The following ERBB4 variants were observed in gnomAD, a reference collection of about 807,000 sequenced individuals.
ERBB4 encodes receptor tyrosine-protein kinase erbB-4.
In ERBB4, 42 loss-of-function variants were observed where a neutral mutation model predicts 158.0. The observed-to-expected ratio is 0.27, with a 90% CI of 0.21 to 0.34. ERBB4 has a LOEUF of 0.34. Ranked by LOEUF, ERBB4 falls within the 10% of genes least tolerant of loss-of-function variation. The pLI is 1.00. For missense variants in ERBB4, 1,333 were observed against 1,624.1 expected, an observed-to-expected ratio of 0.82 and a Z score of 3.08; for synonymous variants, 583 against 558.7, an observed-to-expected ratio of 1.04 and a Z score of -0.61.
chr2:212,124,920 A>G lies in ERBB4; in HGVS notation c.83-17T>C. 1 of 1,613,920 alleles carries G rather than the reference A, an allele frequency of 6.2e-7. No individual in the cohort carries two copies. The highest frequency in any genetic ancestry group is 8.5e-7 in the Non-Finnish European group (1 of 1,179,784). On this transcript the variant is annotated splice_polypyrimidine_tract_variant and intron_variant, in intron 1 of 27. Transcript: ENST00000342788. ...CTGCACACACTGCAAAGACAAGAAG[A>G]TACACGTGAAATTACATAACCTTTA...
chr2:211,775,006 C>T (rs113734178), intron 4 of ERBB4, among the ~76,000 whole-genome samples: 1,845 of 152,170 alleles, frequency 0.012, 41 homozygotes, highest in African/African-American at 0.042. Flanking sequence ...TTGGTGGCTG[C>T]TTTTGGGCCA....
At chr2:211,878,979 T>C (rs1279593929) in intron 3 of ERBB4, among the ~76,000 whole-genome samples, 1 of 152,200 alleles carries the variant, frequency 6.6e-6, no homozygotes, top group Admixed American at 6.5e-5. Context: ...TGCTTTTACA[T>C]GTGTTGATTT....
chr2:212,391,476 T>C (rs13004266), intron 1 of ERBB4, among the ~76,000 whole-genome samples: 29,916 of 150,250 alleles, frequency 0.2, 3,190 homozygotes, highest in South Asian at 0.25. Context: ...ACCTTATCAG[T>C]TCCCAAATTG....
chr2:211,461,892 A>C (rs983746985), intron 20 of ERBB4, among the ~76,000 whole-genome samples: 7 of 152,010 alleles, frequency 4.6e-5, no homozygotes, highest in African/African-American at 1.7e-4. Context: ...GCTATTTAAA[A>C]AAAAAAACAA....
At chr2:211,846,386 A>T (rs2106017350) in intron 3 of ERBB4, among the ~76,000 whole-genome samples, 1 of 152,256 alleles carries the variant, frequency 6.6e-6, no homozygotes, top group South Asian at 2.1e-4. Flanking sequence ...TAGGCTGGGT[A>T]TTAAATCTGG....
chr2:211,785,643 C>T (rs2076142603), intron 4 of ERBB4, among the ~76,000 whole-genome samples: 1 of 152,032 alleles, frequency 6.6e-6, no homozygotes, highest in African/African-American at 2.4e-5. Flanking sequence ...ACATGGATAT[C>T]CAGTTTTCCC....
chr2:211,965,287 T>C (rs2081283487), intron 2 of ERBB4, among the ~76,000 whole-genome samples: 1 of 152,176 alleles, frequency 6.6e-6, no homozygotes, highest in African/African-American at 2.4e-5. Flanking sequence ...ACTTAGGAAA[T>C]GTGTAAAAGT....
At chr2:211,852,093 T>A (rs962920007) in intron 3 of ERBB4, among the ~76,000 whole-genome samples, 1 of 151,976 alleles carries the variant, frequency 6.6e-6, no homozygotes. Flanking sequence ...TAGTCCAGGC[T>A]CTTATCATTC....
At chr2:211,840,327 C>T (rs562477405) in intron 3 of ERBB4, among the ~76,000 whole-genome samples, 25 of 151,868 alleles carry the variant, frequency 1.6e-4, no homozygotes, top group Non-Finnish European at 3.2e-4. Flanking sequence ...GTCTCTCCAG[C>T]CATGTGGAAC....
At chr2:212,441,275 C>A (rs998999016) in intron 1 of ERBB4, among the ~76,000 whole-genome samples, 4 of 152,216 alleles carry the variant, frequency 2.6e-5, no homozygotes, top group Non-Finnish European at 4.4e-5. Context: ...ATCAGCTTTT[C>A]CATCTTTGTC....
intron 19 of ERBB4, among the ~76,000 whole-genome samples, chr2:211,577,466 C>G (rs564921573): frequency 6.6e-6 from 1 of 152,126 alleles, no homozygotes; most frequent in East Asian, 1.9e-4. Flanking sequence ...TTTTATGAGG[C>G]CAGTATCATC....
chr2:211,896,789 G>T (rs2079108606), intron 3 of ERBB4, among the ~76,000 whole-genome samples: 1 of 152,020 alleles, frequency 6.6e-6, no homozygotes, highest in Non-Finnish European at 1.5e-5. Flanking sequence ...AAAGAGCTAT[G>T]GGTTGAGCTG....
At chr2:211,832,998 G>A (rs948516357) in intron 3 of ERBB4, among the ~76,000 whole-genome samples, 39 of 151,796 alleles carry the variant, frequency 2.6e-4, no homozygotes, top group African/African-American at 9.0e-4. Context: ...TATTTTCTAG[G>A]TTCAGATATT....
intron 19 of ERBB4, among the ~76,000 whole-genome samples, chr2:211,567,681 C>T (rs2067590746): frequency 6.6e-6 from 1 of 151,950 alleles, no homozygotes; most frequent in East Asian, 1.9e-4. Flanking sequence ...AGAAAAATTG[C>T]TCATCACACT....
intron 1 of ERBB4, among the ~76,000 whole-genome samples, chr2:212,232,192 T>C (rs1453804528): frequency 6.6e-6 from 1 of 152,184 alleles, no homozygotes; most frequent in Non-Finnish European, 1.5e-5. Flanking sequence ...AGTTAATATA[T>C]GTTGTTTTTA....
chr2:211,584,593 G>C (rs11684753), intron 19 of ERBB4, among the ~76,000 whole-genome samples: 109,770 of 151,776 alleles, frequency 0.72, 42,239 homozygotes, highest in East Asian at 0.87. Flanking sequence ...CTAGTTTTCT[G>C]TATTACTGAA....
At chr2:212,524,012 C>T (rs1445569051) in intron 1 of ERBB4, among the ~76,000 whole-genome samples, 1 of 151,892 alleles carries the variant, frequency 6.6e-6, no homozygotes, top group Non-Finnish European at 1.5e-5. Context: ...ATTGCTAATC[C>T]CTCGTATATG....
In ERBB4 at chr2:211,861,124, T is replaced by TTATATATATATATTTTA. The variant is rs1229268256; in HGVS notation, c.422-72966_422-72965insTAAAATATATATATATA. Among the ~76,000 whole-genome samples the TTATATATATATATTTTA allele has an allele frequency of 4.8e-3, 98 of 20,258 alleles. 19 individuals are homozygous for TTATATATATATATTTTA. The highest frequency in any genetic ancestry group is 0.018 in the African/African-American group (81 of 4,394). 13.3% of individuals were successfully genotyped at this position (20,258 alleles called of 152,430 possible). ...CATTATATATATTTATATATATATT[T>TTATATATATATATTTTA]TATATATATATATATATATATATAT... is the stretch of plus-strand genomic sequence containing the variant. On this transcript the variant is annotated intron_variant, in intron 3 of 27. Coordinates refer to ENST00000342788, the MANE Select transcript of ERBB4 (RefSeq NM_005235.3).
intron 4 of ERBB4, among the ~76,000 whole-genome samples, chr2:211,780,015 T>TAC (rs1005739373): frequency 2.6e-5 from 4 of 152,028 alleles, no homozygotes; most frequent in African/African-American, 4.8e-5. Flanking sequence ...TTTATAATTA[T>TAC]ACACACACAC....
Sources: gnomAD v4.1 joint callset for allele counts (sites outside exome capture counted in the v4.1 genomes callset) on GRCh38, gnomAD v4.1.1 for gene constraint, MANE v1.5 for transcripts, NCBI Gene and HGNC (gene_info 2026-07-23, HGNC 2026-07-21) for gene names.